The following OPCML variants were observed in gnomAD, a reference collection of about 807,000 sequenced individuals.
OPCML encodes the protein opioid-binding protein/cell adhesion molecule.
A neutral mutation model predicts 37.8 loss-of-function variants in OPCML; 13 were observed. That is an observed-to-expected ratio of 0.34 (90% confidence interval 0.22 to 0.55). The LOEUF is 0.55. Ranked by LOEUF, OPCML falls within the 20% of genes least tolerant of loss-of-function variation. OPCML has a pLI of 0.91. For synonymous variants in OPCML, 176 were observed against 168.8 expected, an observed-to-expected ratio of 1.04 and a Z score of -0.33; for missense variants, 341 against 435.6, an observed-to-expected ratio of 0.78 and a Z score of 1.93.
At chr11:132,697,207 C>T (rs889366012) in intron 2 of OPCML, among the ~76,000 whole-genome samples, 3 of 152,160 alleles carry the variant, frequency 2.0e-5, no homozygotes, top group Non-Finnish European at 4.4e-5. Context: ...TATATGTATA[C>T]ATTATGAAAT....
At chr11:133,361,937 G>C (rs1183873383) in intron 1 of OPCML, 1 of 152,326 alleles carries the variant, frequency 6.6e-6, no homozygotes, top group Non-Finnish European at 1.5e-5. Flanking sequence ...GAGGCTTCTA[G>C]AGGGACAGAG....
chr11:133,110,469 G>T (rs1949232303), intron 1 of OPCML, among the ~76,000 whole-genome samples: 1 of 152,118 alleles, frequency 6.6e-6, no homozygotes, highest in South Asian at 2.1e-4. Context: ...GAGGTCACAG[G>T]CCCCCGTGCG....
intron 1 of OPCML, among the ~76,000 whole-genome samples, chr11:133,131,618 G>A (rs1042334970): frequency 2.6e-5 from 4 of 152,158 alleles, no homozygotes; most frequent in African/African-American, 4.8e-5. Context: ...TTCTTACAAA[G>A]TTAAACATAG....
chr11:132,640,654 C>T (rs1326514861), intron 3 of OPCML, among the ~76,000 whole-genome samples: 2 of 152,122 alleles, frequency 1.3e-5, no homozygotes, highest in Non-Finnish European at 2.9e-5. Flanking sequence ...AGACTTTGTT[C>T]CCATCCTCAG....
At chr11:132,669,184 C>T (rs940555478) in intron 2 of OPCML, among the ~76,000 whole-genome samples, 1 of 151,922 alleles carries the variant, frequency 6.6e-6, no homozygotes, top group African/African-American at 2.4e-5. Context: ...TCTTGGACAG[C>T]GTCAGTGTAT....
At chr11:133,468,072 G>A (rs1457261517) in intron 1 of OPCML, among the ~76,000 whole-genome samples, 4 of 152,200 alleles carry the variant, frequency 2.6e-5, no homozygotes, top group Admixed American at 1.3e-4. Context: ...GACACCTTAG[G>A]TGATAAGGGC....
chr11:133,025,950 G>T (rs527674709), intron 1 of OPCML: 30 of 417,154 alleles, frequency 7.2e-5, no homozygotes, highest in Non-Finnish European at 9.3e-5. Flanking sequence ...GGCCAGCGTG[G>T]TCTCGAACTC....
chr11:133,270,334 G>T (rs1386866026), intron 1 of OPCML, among the ~76,000 whole-genome samples: 1 of 151,976 alleles, frequency 6.6e-6, no homozygotes, highest in Non-Finnish European at 1.5e-5. Context: ...TATTCTGCTA[G>T]GGAGCTTTAA....
chr11:132,569,363 A>T (rs1036431829), intron 3 of OPCML, among the ~76,000 whole-genome samples: 3 of 152,154 alleles, frequency 2.0e-5, no homozygotes, highest in African/African-American at 7.2e-5. Context: ...CTCTGCTGAC[A>T]CTTTCATCTC....
In OPCML at chr11:132,420,211, G is replaced by A. The variant is rs1342910429; in HGVS notation, c.999C>T (p.His333=). ...CLWLSGTLLA[H]FFIKF is the part of the protein sequence containing the mutation. ...TTTCTTATCAAAACTTGATGAAGAA[G>A]TGGGCTAAGAGGGTCCCTGATAGCC... Residue 333 remains histidine, a synonymous_variant, in exon 8 of 8, where the codon CAC becomes CAT. Coordinates refer to ENST00000524381, the MANE Select transcript of OPCML (RefSeq NM_001012393.5). 1.3e-5 allele frequency: 21 copies of A among 1,613,766 alleles called. No homozygotes were observed. In the Admixed American group the frequency reaches 2.7e-4, roughly 21 times the overall value.
At chr11:132,909,144 G>T (rs1222242983) in intron 2 of OPCML, among the ~76,000 whole-genome samples, 1 of 152,180 alleles carries the variant, frequency 6.6e-6, no homozygotes, top group Non-Finnish European at 1.5e-5. Context: ...GTCTCCCTTG[G>T]CCACCCAAGT....
chr11:133,172,607 G>A (rs566891685), intron 1 of OPCML, among the ~76,000 whole-genome samples: 19 of 152,252 alleles, frequency 1.2e-4, no homozygotes, highest in African/African-American at 4.6e-4. Context: ...TTGAACTCGA[G>A]CATCTGTGTA....
chr11:132,706,658 A>G (rs1031802505), intron 2 of OPCML, among the ~76,000 whole-genome samples: 7 of 152,058 alleles, frequency 4.6e-5, no homozygotes, highest in African/African-American at 7.2e-5. Flanking sequence ...CCCCTACTAC[A>G]CCACGCCCCT....
At chr11:133,024,879 C>G in intron 1 of OPCML, 1 of 985,364 alleles carries the variant, frequency 1.0e-6, no homozygotes, top group Non-Finnish European at 1.2e-6. Context: ...CAGTGATTTT[C>G]CAAAATAGAG....
intron 2 of OPCML, among the ~76,000 whole-genome samples, chr11:132,822,875 G>A (rs900127220): frequency 2.0e-5 from 3 of 152,064 alleles, no homozygotes; most frequent in Admixed American, 1.3e-4. Flanking sequence ...ACCTTATGAA[G>A]CTTACTTCAC....
chr11:133,069,830 G>A (rs1343664158), intron 1 of OPCML, among the ~76,000 whole-genome samples: 1 of 151,992 alleles, frequency 6.6e-6, no homozygotes, highest in African/African-American at 2.4e-5. Context: ...TTTCATTGCC[G>A]AGCCTAATTT....
At chr11:132,706,270 G>A (rs1448783600) in intron 2 of OPCML, among the ~76,000 whole-genome samples, 1 of 152,076 alleles carries the variant, frequency 6.6e-6, no homozygotes, top group African/African-American at 2.4e-5. Context: ...GCAATTAAAA[G>A]GGCCAAAAAA....
chr11:133,281,058 C>T (rs1276749716), intron 1 of OPCML, among the ~76,000 whole-genome samples: 1 of 152,220 alleles, frequency 6.6e-6, no homozygotes, highest in Non-Finnish European at 1.5e-5. Context: ...AGAACTGCCA[C>T]TGTGGGCTGA....
chr11:133,393,228 A>G (rs1945211381), intron 1 of OPCML, among the ~76,000 whole-genome samples: 1 of 152,186 alleles, frequency 6.6e-6, no homozygotes, highest in Admixed American at 6.5e-5. Context: ...GTTCAATTTA[A>G]TCAATCAACA....
Sources: gnomAD v4.1 joint callset for allele counts (sites outside exome capture counted in the v4.1 genomes callset) on GRCh38, gnomAD v4.1.1 for gene constraint, MANE v1.5 for transcripts, NCBI Gene and HGNC (gene_info 2026-07-23, HGNC 2026-07-21) for gene names.